SEMA6A: variants seen among roughly 807,000 people sequenced by gnomAD.
SEMA6A encodes the protein semaphorin-6A.
A neutral mutation model predicts 96.8 loss-of-function variants in SEMA6A; 25 were observed. That is an observed-to-expected ratio of 0.26 (90% CI 0.19 to 0.36). SEMA6A has a LOEUF of 0.36. Ranked by LOEUF, SEMA6A falls within the 10% of genes least tolerant of loss-of-function variation. SEMA6A has a pLI of 1.00. For synonymous variants in SEMA6A, 612 were observed against 518.0 expected (o/e 1.18, Z -2.46); for missense variants, 1,363 against 1,323.1 (o/e 1.03, Z -0.47).
intron 9 of SEMA6A, among the ~76,000 whole-genome samples, chr5:116,487,557 C>T (rs1025072790): frequency 6.6e-5 from 10 of 151,996 alleles, no homozygotes; most frequent in Admixed American, 5.2e-4. Flanking sequence ...ACCTGGAAAC[C>T]ACATCTCAAG....
At chr5:116,452,664 A>C (rs1754715110) in intron 18 of SEMA6A, among the ~76,000 whole-genome samples, 1 of 147,372 alleles carries the variant, frequency 6.8e-6, no homozygotes, top group South Asian at 2.2e-4. Flanking sequence ...CAAACACTAC[A>C]TTCCTTATTT....
Position 116,486,800 on chromosome 5 carries a change from C to T in SEMA6A, c.911G>A (p.Arg304His), listed in dbSNP as rs781616974. 20 of 1,613,678 alleles carry T rather than the reference C, an allele frequency of 1.2e-5. No homozygotes were observed. Among genetic ancestry groups the T allele is most frequent in the Middle Eastern group, 1.6e-4 (1 of 6,078 alleles). Residue 304 changes from arginine to histidine, a missense_variant, in exon 10 of 19, where the codon CGT becomes CAT. Arg to His is a conservative substitution (Grantham distance 29). Transcript: ENST00000343348. ...NILQAVTDVI[R>H]INGRDVVLAT... ...CAGGACAACATCACGCCCGTTGATA[C>T]GAATCACATCTGTAACTGCCTGGAG...
chr5:116,479,121 G>A (rs372056884), intron 12 of SEMA6A, among the ~76,000 whole-genome samples: 27 of 152,264 alleles, frequency 1.8e-4, no homozygotes, highest in African/African-American at 5.3e-4. Context: ...CAATGACTGC[G>A]ATTTCTCCAT....
At chr5:116,570,354 T>A (rs1761163837) in intron 1 of SEMA6A, among the ~76,000 whole-genome samples, 1 of 150,424 alleles carries the variant, frequency 6.6e-6, no homozygotes, top group South Asian at 2.1e-4. Flanking sequence ...TGGGGGGGGT[T>A]CCTGATATGG....
chr5:116,495,048 C>T (rs1757519994), intron 6 of SEMA6A, among the ~76,000 whole-genome samples: 1 of 152,184 alleles, frequency 6.6e-6, no homozygotes, highest in Non-Finnish European at 1.5e-5. Flanking sequence ...ATAGAAATCA[C>T]TCACCATATA....
At chr5:116,478,929 AGTGTGTGTGTGT>A (rs34260068) in intron 12 of SEMA6A, among the ~76,000 whole-genome samples, 10 of 149,248 alleles carry the variant, frequency 6.7e-5, no homozygotes, top group South Asian at 2.2e-4. Flanking sequence ...GGTGTGAGAG[AGTGTGTGTGTGT>A]GTGTGTGTGT....
At chr5:116,487,984 C>T (rs751231194) in intron 9 of SEMA6A, 124 bp downstream of exon 9, 8 of 580,850 alleles carry the variant, frequency 1.4e-5, no homozygotes, top group African/African-American at 3.8e-5. Context: ...GATAGGGCCT[C>T]CAGACCGCAC....
At chr5:116,518,476 C>G (rs1439625536) in intron 1 of SEMA6A, among the ~76,000 whole-genome samples, 2 of 152,212 alleles carry the variant, frequency 1.3e-5, no homozygotes, top group South Asian at 2.1e-4. Flanking sequence ...TAATTACCAT[C>G]TCTGCCAGAC....
At chr5:116,570,582 C>G (rs1388825661) in intron 1 of SEMA6A, among the ~76,000 whole-genome samples, 7 of 152,222 alleles carry the variant, frequency 4.6e-5, no homozygotes, top group Non-Finnish European at 4.4e-5. Context: ...TTAATTAAAG[C>G]ATTTGCAATT....
intron 1 of SEMA6A, among the ~76,000 whole-genome samples, chr5:116,556,294 A>T (rs936736471): frequency 6.6e-6 from 1 of 152,244 alleles, no homozygotes; most frequent in African/African-American, 2.4e-5. Context: ...ACAAAAGAAC[A>T]TAAAGAGACA....
At chr5:116,529,658 ACT>A (rs1374234240) in intron 1 of SEMA6A, among the ~76,000 whole-genome samples, 1 of 152,162 alleles carries the variant, frequency 6.6e-6, no homozygotes, top group Admixed American at 6.6e-5. Flanking sequence ...ACAAATCCAC[ACT>A]GTTTCAAAAA....
chr5:116,531,369 A>C (rs994973794), intron 1 of SEMA6A, among the ~76,000 whole-genome samples: 7 of 152,144 alleles, frequency 4.6e-5, no homozygotes, highest in African/African-American at 1.4e-4. Context: ...GAATTGTAGG[A>C]CCTGTAGTGC....
At chr5:116,495,961 G>A in intron 5 of SEMA6A, 1 of 371,330 alleles carries the variant, frequency 2.7e-6, no homozygotes. Flanking sequence ...GCGGAGGTGG[G>A]CATCGGCGTA....
intron 16 of SEMA6A, among the ~76,000 whole-genome samples, chr5:116,474,439 A>C (rs1030944020): frequency 1.3e-5 from 2 of 152,182 alleles, no homozygotes; most frequent in African/African-American, 4.8e-5. Context: ...TTTAGTGATG[A>C]CACTTCTCCT....
chr5:116,524,619 A>G lies in SEMA6A; in HGVS notation c.-38-19637T>C, dbSNP rs1433253739. 2.6e-5 allele frequency among the ~76,000 whole-genome samples: 4 copies of G among 152,264 alleles called. No homozygotes were observed. The South Asian group carries it at 8.3e-4, about 32-fold the overall frequency. On this transcript the variant is annotated intron_variant, in intron 1 of 18. Transcript: ENST00000343348. ...GTCAGACCTTTAAAAAAAAAAAATC[A>G]TGAACAGTCACCACCAAAAACATTA...
intron 1 of SEMA6A, among the ~76,000 whole-genome samples, chr5:116,566,842 G>C (rs1056945250): frequency 2.6e-5 from 4 of 152,154 alleles, no homozygotes; most frequent in Non-Finnish European, 4.4e-5. Flanking sequence ...CTCCCAAATT[G>C]ATTTCAAGCT....
At chr5:116,474,805 C>G (rs1161982048) in intron 16 of SEMA6A, among the ~76,000 whole-genome samples, 10 of 152,124 alleles carry the variant, frequency 6.6e-5, no homozygotes, top group Non-Finnish European at 1.3e-4. Context: ...TTCGAAACAG[C>G]ACAAACTAAA....
Position 116,480,282 on chromosome 5 carries a change from A to T in SEMA6A, c.1095-5T>A. 6.2e-7 allele frequency: 1 copy of T among 1,613,488 alleles called. No homozygotes were observed. Among genetic ancestry groups the T allele is most frequent in the Middle Eastern group, 1.7e-4 (1 of 6,052 alleles). ...GAGCCAGCACAGCAACCTGGCCTAA[A>T]ATGAAACAAAGGGTGAGGAAGGAGG... On this transcript the variant is annotated splice_polypyrimidine_tract_variant and splice_region_variant and intron_variant, in intron 11 of 18. Coordinates refer to ENST00000343348, the MANE Select transcript of SEMA6A (RefSeq NM_020796.5).
rs1757918564 is a variant in SEMA6A at position 116,502,262 on chromosome 5, G to A, written c.166C>T (p.Leu56=). Reference sequence around the variant, plus strand: ...ATGATCATAATCATCTGGATGTCCAGCCTGTGCCTCTGTGTGGTGTTCCGT... The same window carrying A: ...ATGATCATAATCATCTGGATGTCCAACCTGTGCCTCTGTGTGGTGTTCCGT... ...PGRNTTQRHR[L]DIQMIMIMNG... Residue 56 remains leucine (L), a synonymous_variant, in exon 3 of 19, where the codon CTG becomes TTG. Transcript: ENST00000343348. 3.1e-6 allele frequency: 5 copies of A among 1,614,000 alleles called. No homozygotes were observed. Among genetic ancestry groups the A allele is most frequent in the African/African-American group, 1.3e-5 (1 of 75,048 alleles).
Sources: gnomAD v4.1 joint callset for allele counts (sites outside exome capture counted in the v4.1 genomes callset) on GRCh38, gnomAD v4.1.1 for gene constraint, MANE v1.5 for transcripts, NCBI Gene and HGNC (gene_info 2026-07-23, HGNC 2026-07-21) for gene names.